Variants in AHCTF1 observed in about 807,000 individuals in gnomAD.
AHCTF1 encodes AT-hook containing transcription factor 1.
In AHCTF1, 24 loss-of-function variants were observed where a neutral mutation model predicts 248.4. That is an observed-to-expected ratio of 0.10 (90% CI 0.07 to 0.14). The LOEUF (loss-of-function observed/expected upper bound fraction) is 0.14. AHCTF1 is among the 10% of genes least tolerant of loss of function. The pLI is 1.00. For missense variants in AHCTF1, 2,206 were observed against 2,636.2 expected (o/e 0.84, Z 3.57); for synonymous variants, 786 against 929.8 (o/e 0.85, Z 2.81).
intron 34 of AHCTF1, among the ~76,000 whole-genome samples, chr1:246,843,382 A>G (rs1017880058): frequency 6.6e-6 from 1 of 152,268 alleles, no homozygotes; most frequent in African/African-American, 2.4e-5. Flanking sequence ...TTGCCCTTGC[A>G]GAGTAGCAGA....
At chr1:246,881,760 C>T (rs1363014016) in intron 21 of AHCTF1, among the ~76,000 whole-genome samples, 1 of 149,618 alleles carries the variant, frequency 6.7e-6, no homozygotes, top group Non-Finnish European at 1.5e-5. Flanking sequence ...ATCGCTTGAA[C>T]CTGGGAGGCA....
At chr1:246,855,409 T>C (rs1198990134) in intron 31 of AHCTF1, among the ~76,000 whole-genome samples, 1 of 152,228 alleles carries the variant, frequency 6.6e-6, no homozygotes, top group Non-Finnish European at 1.5e-5. Context: ...AAGTCAACCT[T>C]GGCCTTAAGT....
chr1:246,896,911 G>A (rs528693993), intron 12 of AHCTF1, among the ~76,000 whole-genome samples: 4 of 152,126 alleles, frequency 2.6e-5, no homozygotes, highest in Non-Finnish European at 5.9e-5. Context: ...GACTCTAAAC[G>A]GAGACTCACT....
chr1:246,921,956 CAAT>C (rs1666575509), intron 1 of AHCTF1, among the ~76,000 whole-genome samples: 1 of 152,208 alleles, frequency 6.6e-6, no homozygotes, highest in African/African-American at 2.4e-5. Flanking sequence ...GACTACACAA[CAAT>C]AATAATGGCT....
At chr1:246,930,557 T>C (rs1193983189) in intron 1 of AHCTF1, among the ~76,000 whole-genome samples, 1 of 150,858 alleles carries the variant, frequency 6.6e-6, no homozygotes, top group Non-Finnish European at 1.5e-5. Context: ...TAAGAGACTC[T>C]ATCAGTGAAA....
chr1:246,848,973 C>A (rs1040759238), intron 33 of AHCTF1, among the ~76,000 whole-genome samples: 1 of 152,118 alleles, frequency 6.6e-6, no homozygotes, highest in Non-Finnish European at 1.5e-5. Flanking sequence ...GTTTAAAGCA[C>A]CCCCTATTAA....
intron 1 of AHCTF1, among the ~76,000 whole-genome samples, chr1:246,928,252 G>A (rs892993780): frequency 1.4e-5 from 2 of 141,540 alleles, no homozygotes; most frequent in African/African-American, 2.7e-5. Flanking sequence ...GCAGTGAGCC[G>A]ACATCGCGCC....
chr1:246,922,381 T>G (rs952806957), intron 1 of AHCTF1, among the ~76,000 whole-genome samples: 1 of 151,494 alleles, frequency 6.6e-6, no homozygotes, highest in African/African-American at 2.4e-5. Flanking sequence ...AAAAGACACG[T>G]GCAAGAAGGC....
chr1:246,844,688 C>G (rs1305694348), intron 33 of AHCTF1, among the ~76,000 whole-genome samples: 1 of 152,126 alleles, frequency 6.6e-6, no homozygotes, highest in Non-Finnish European at 1.5e-5. Context: ...TGTGCCACTG[C>G]ACTCCAGCCT....
At chr1:246,901,710 T>G (rs1349835168) in intron 8 of AHCTF1, among the ~76,000 whole-genome samples, 1 of 152,032 alleles carries the variant, frequency 6.6e-6, no homozygotes, top group Non-Finnish European at 1.5e-5. Flanking sequence ...CCCAGTTACT[T>G]GGGAGACCGA....
Position 246,871,119 on chromosome 1 carries a change from G to A in AHCTF1, c.3089-3308C>T, listed in dbSNP as rs907270101. 4.5e-4 allele frequency among the ~76,000 whole-genome samples: 68 copies of A among 152,124 alleles called. 4 individuals are homozygous for A. On this transcript the variant is annotated intron_variant, in intron 24 of 35. Coordinates refer to ENST00000648844, the MANE Select transcript of AHCTF1 (RefSeq NM_001323342.2). ...CCCAAATGCTAGGACCACTAAAAAA[G>A]GTGGTGGCTCATTTTTTTCTAACCA...
intron 7 of AHCTF1, among the ~76,000 whole-genome samples, chr1:246,903,550 C>T (rs537636156): frequency 1.3e-5 from 2 of 151,918 alleles, no homozygotes; most frequent in Non-Finnish European, 2.9e-5. Flanking sequence ...CTTTTCACAG[C>T]CAGGTGCGGT....
Position 246,853,389 on chromosome 1 carries a change from C to CA in AHCTF1, c.4355-91dup. ...AAACAGAAAGGAAAAGGCTACACTG[C>CA]ACTTGAATAGTGTATTAATAAACTA... On this transcript the variant is annotated intron_variant, in intron 31 of 35. Transcript: ENST00000648844. 3.0e-6 allele frequency: 3 copies of CA among 1,010,214 alleles called. 1 individual carries two copies. In the Middle Eastern group the frequency reaches 6.6e-4, roughly 223 times the overall value. 62.6% of individuals were successfully genotyped at this position (1,010,214 alleles called of 1,614,324 possible). A position where few individuals can be genotyped will look rare whatever the true frequency, so the allele number is the denominator to read the frequency against.
At chr1:246,923,086 A>T (rs536767910) in intron 1 of AHCTF1, among the ~76,000 whole-genome samples, 16 of 147,058 alleles carry the variant, frequency 1.1e-4, no homozygotes, top group South Asian at 2.1e-4. Context: ...AATGAAGAAG[A>T]AGTTATTTAA....
Position 246,900,073 on chromosome 1 carries a change from T to C in AHCTF1, c.1424A>G (p.Tyr475Cys), listed in dbSNP as rs757226973. 1.2e-6 allele frequency: 2 copies of C among 1,602,936 alleles called. No homozygotes were observed. The highest frequency in any genetic ancestry group is 3.5e-5 in the Admixed American group (2 of 56,956). ...GTTAAGGAAATACATACCAAAATTATAAGTGCTTGGATTAAAAAACTGCTC... is the reference window on the plus strand; with the variant it reads ...GTTAAGGAAATACATACCAAAATTACAAGTGCTTGGATTAAAAAACTGCTC... ...PPEQFFNPST[Y>C]NFDATCLLNS... is the part of the protein sequence containing the mutation. Residue 475 changes from tyrosine (Y) to cysteine (C), a missense_variant, in exon 10 of 36, where the codon TAT becomes TGT. Around this residue, in one of 6 missense-constraint regions of AHCTF1, gnomAD observed 650 missense variants for 870.8 expected, o/e 0.75. Coordinates refer to ENST00000648844, the MANE Select transcript of AHCTF1 (RefSeq NM_001323342.2).
Position 246,841,013 on chromosome 1 carries a change from T to C in AHCTF1, c.6609-15A>G. 6.3e-7 allele frequency: 1 copy of C among 1,584,196 alleles called. No homozygotes were observed. The highest frequency in any genetic ancestry group is 8.6e-7 in the Non-Finnish European group (1 of 1,168,980). On this transcript the variant is annotated splice_polypyrimidine_tract_variant and intron_variant, in intron 35 of 35. Coordinates refer to ENST00000648844, the MANE Select transcript of AHCTF1 (RefSeq NM_001323342.2). ...TTTCTGTGTTTCTGAAAAAAAAAGA[T>C]ATGATCAAGTAAGAATAAACACATT... is the stretch of plus-strand genomic sequence containing the variant.
chr1:246,857,853 T>C, intron 29 of AHCTF1, 39 bp from the exon 30 acceptor site: 1 of 1,550,268 alleles, frequency 6.5e-7, no homozygotes, highest in Non-Finnish European at 8.8e-7. Context: ...TTATGCTAAA[T>C]ATTTAGTGAT....
intron 24 of AHCTF1, among the ~76,000 whole-genome samples, chr1:246,872,960 G>A (rs969584031): frequency 2.6e-5 from 4 of 152,122 alleles, no homozygotes; most frequent in African/African-American, 9.7e-5. Context: ...ATCGCCTCCA[G>A]ACCAACTAAA....
At chr1:246,922,793 T>TCC (rs1666642564) in intron 1 of AHCTF1, among the ~76,000 whole-genome samples, 2 of 150,662 alleles carry the variant, frequency 1.3e-5, no homozygotes, top group African/African-American at 2.4e-5. Flanking sequence ...CCATCCTGGA[T>TCC]AACACGGTGA....
Sources: allele counts gnomAD v4.1 joint callset (sites outside exome capture counted in the v4.1 genomes callset), GRCh38; gene constraint gnomAD v4.1.1; regional missense constraint gnomAD v4.1.1; transcripts MANE v1.5; gene names NCBI Gene and HGNC (gene_info 2026-07-23, HGNC 2026-07-21).